Variants in BCL7B observed in about 807,000 individuals in gnomAD.
BCL7B encodes the protein B-cell CLL/lymphoma 7 protein family member B.
A neutral mutation model predicts 26.5 loss-of-function variants in BCL7B; 11 were observed. That is an observed-to-expected ratio of 0.42 (90% CI 0.26 to 0.69). The LOEUF (loss-of-function observed/expected upper bound fraction) is 0.69. Ranked by LOEUF, BCL7B falls within the 30% of genes least tolerant of loss-of-function variation. The pLI is 0.28. For missense variants in BCL7B, 215 were observed against 264.4 expected, an observed-to-expected ratio of 0.81 and a Z score of 1.30; for synonymous variants, 111 against 107.9, an observed-to-expected ratio of 1.03 and a Z score of -0.18.
At position 73,537,292 on chromosome 7, in the gene BCL7B, A is replaced by AT. The variant is rs781802427; in HGVS notation, c.*5dup. ...CAGGGCCAGGAGGCGGAGGGCCGGG[A>AT]TGGTGCTAGCTTTCTGACGCCGTCT... is the stretch of plus-strand genomic sequence containing the variant. On this transcript the variant is annotated 3_prime_UTR_variant, in exon 6 of 6. Coordinates refer to ENST00000223368, the MANE Select transcript of BCL7B (RefSeq NM_001707.4). 1.9e-6 allele frequency: 3 copies of AT among 1,613,736 alleles called. No homozygotes were observed. The highest frequency in any genetic ancestry group is 3.3e-5 in the Admixed American group (2 of 59,988).
intron 2 of BCL7B, among the ~76,000 whole-genome samples, chr7:73,549,493 A>G (rs1792076244): frequency 6.6e-6 from 1 of 152,084 alleles, no homozygotes; most frequent in Admixed American, 6.6e-5. Flanking sequence ...CTGGGCAACA[A>G]TGAGACCCCC....
rs1192652287 is a variant in BCL7B, at chr7:73,550,696, C to T, written c.168+1471G>A. On this transcript the variant is annotated intron_variant, in intron 2 of 5. Coordinates refer to ENST00000223368, the MANE Select transcript of BCL7B (RefSeq NM_001707.4). ...TTTTTGAGATGGAGTCTCACTCTGTCGCCCAGGCTGGAGTGCAGTGGTGCG... is the reference window on the plus strand; with the variant it reads ...TTTTTGAGATGGAGTCTCACTCTGTTGCCCAGGCTGGAGTGCAGTGGTGCG... Among the ~76,000 whole-genome samples the T allele has an allele frequency of 1.0e-4, 15 of 150,224 alleles. 1 individual carries two copies. The East Asian group carries it at 1.8e-3, about 18-fold the overall frequency.
chr7:73,543,789 G>A, intron 2 of BCL7B, 145 bp from the exon 3 acceptor site: 1 of 617,544 alleles, frequency 1.6e-6, no homozygotes, highest in South Asian at 1.9e-5. Context: ...AAGGACCCAA[G>A]GAAGAACAGA....
chr7:73,552,306 T>C (rs1215421432), intron 1 of BCL7B, 64 bp from the exon 2 acceptor site: 1 of 1,348,998 alleles, frequency 7.4e-7, no homozygotes, highest in South Asian at 1.2e-5. Context: ...TCATCACTTG[T>C]GTTTTTCTAC....
At chr7:73,543,838 T>C in intron 2 of BCL7B, 194 bp from the exon 3 acceptor site, 1 of 535,840 alleles carries the variant, frequency 1.9e-6, no homozygotes, top group Non-Finnish European at 3.4e-6. Context: ...CTCAGAAAAA[T>C]GAACCCTTCC....
chr7:73,553,224 G>A (rs775955308), intron 1 of BCL7B, among the ~76,000 whole-genome samples: 2 of 151,958 alleles, frequency 1.3e-5, no homozygotes, highest in Non-Finnish European at 2.9e-5. Flanking sequence ...GGGATTACAG[G>A]CATGAGCCAC....
chr7:73,539,768 G>A, intron 4 of BCL7B, 114 bp downstream of exon 4: 1 of 1,245,466 alleles, frequency 8.0e-7, no homozygotes, highest in Non-Finnish European at 1.1e-6. Flanking sequence ...AAAGGGCTTG[G>A]TGCTGCCTGG....
chr7:73,544,614 A>C (rs1057202528), intron 2 of BCL7B, among the ~76,000 whole-genome samples: 6 of 152,150 alleles, frequency 3.9e-5, no homozygotes, highest in Non-Finnish European at 8.8e-5. Flanking sequence ...CGAAAGAGCG[A>C]AACTCCATCT....
chr7:73,557,507 G>A lies in BCL7B; in HGVS notation c.72C>T (p.Ala24=). 6.9e-7 allele frequency: 1 copy of A among 1,447,540 alleles called. No homozygotes were observed. Among genetic ancestry groups the A allele is most frequent in the African/African-American group, 1.5e-5 (1 of 67,760 alleles). 89.7% of individuals were successfully genotyped at this position (1,447,540 alleles called of 1,614,324 possible). A position where few individuals can be genotyped will look rare whatever the true frequency, so the allele number is the denominator to read the frequency against. The change falls in exon 1 of 6, where the codon GCC becomes GCT. Residue 24 remains alanine, a synonymous_variant. Transcript: ENST00000223368. ...AKDDIKKVMA[A]IEKVRKWEKK... ...CTCACCATTTCCGCACTTTCTCGAT[G>A]GCCGCCATCACCTTCTTGATGTCGT... is the stretch of plus-strand genomic sequence containing the variant.
rs201748478 is a variant in BCL7B at position 73,552,275 on chromosome 7, A to G, written c.93-33T>C. On this transcript the variant is annotated intron_variant, in intron 1 of 5. Transcript: ENST00000223368. ...AAAGACACTTCTTAGAACGGATAAA[A>G]CAATGCAATGTGTTTTCTGTTCATC... 270 of 1,538,776 alleles carry G rather than the reference A, an allele frequency of 1.8e-4. No individual in the cohort carries two copies. In the African/African-American group the frequency reaches 3.1e-3, roughly 18 times the overall value.
Position 73,543,568 on chromosome 7 carries a change from G to A in BCL7B, c.245C>T (p.Ser82Phe). The change falls in exon 3 of 6, where the codon TCT (serine) becomes TTT (phenylalanine). Residue 82 changes from serine to phenylalanine, a missense_variant. Physicochemically the swap from Ser to Phe is radical, Grantham distance 155. Coordinates refer to ENST00000223368, the MANE Select transcript of BCL7B (RefSeq NM_001707.4). ...CTCACCCTGGAATTCAAGAAGGAGA[G>A]AGGAATTGGCTGAGGCATCAGAAGG... ...GFPSDASANS[S>F]LLLEFQDENS... 1.2e-6 allele frequency: 2 copies of A among 1,613,878 alleles called. No individual in the cohort carries two copies. The highest frequency in any genetic ancestry group is 1.7e-6 in the Non-Finnish European group (2 of 1,179,908).
At chr7:73,551,305 T>C (rs1260951724) in intron 2 of BCL7B, among the ~76,000 whole-genome samples, 4 of 152,108 alleles carry the variant, frequency 2.6e-5, no homozygotes, top group African/African-American at 9.7e-5. Flanking sequence ...TTTTTGTTTG[T>C]TTGCTTATTT....
At chr7:73,546,204 C>A (rs1157745366) in intron 2 of BCL7B, among the ~76,000 whole-genome samples, 1 of 151,564 alleles carries the variant, frequency 6.6e-6, no homozygotes, top group African/African-American at 2.4e-5. Context: ...ACATTACCAG[C>A]CAATGCAATT....
In BCL7B at chr7:73,557,566, A is replaced by C; in HGVS notation, c.13T>G (p.Ser5Ala). 1.5e-5 allele frequency: 20 copies of C among 1,356,666 alleles called. No homozygotes were observed. Among genetic ancestry groups the C allele is most frequent in the Non-Finnish European group, 1.9e-5 (20 of 1,041,424 alleles). 84.0% of individuals were successfully genotyped at this position (1,356,666 alleles called of 1,614,324 possible). A position where few individuals can be genotyped will look rare whatever the true frequency, so the allele number is the denominator to read the frequency against. The change falls in exon 1 of 6, where the codon TCG becomes GCG. Residue 5 changes from serine to alanine, a missense_variant. By Grantham distance (99) the Ser-to-Ala change is moderately conservative. Coordinates refer to ENST00000223368, the MANE Select transcript of BCL7B (RefSeq NM_001707.4). MSGR[S>A]VRAETRSRAK... ...CGGCTGCGGGTCTCCGCCCGGACCGACCGGCCCGACATGGCGGCGGCGGGA... is the reference window on the plus strand; with the variant it reads ...CGGCTGCGGGTCTCCGCCCGGACCGCCCGGCCCGACATGGCGGCGGCGGGA...
chr7:73,557,189 C>T (rs1485683573), intron 1 of BCL7B: 4 of 1,032,360 alleles, frequency 3.9e-6, no homozygotes, highest in Non-Finnish European at 4.6e-6. Context: ...CTGGGCCGGG[C>T]GCGGGCACCG....
intron 1 of BCL7B, chr7:73,557,094 T>C (rs1470165372): frequency 5.0e-6 from 5 of 990,716 alleles, no homozygotes; most frequent in Non-Finnish European, 6.0e-6. Flanking sequence ...CTGACACCAC[T>C]CCAGGGCTAC....
At chr7:73,543,325 C>T (rs1333940616) in intron 3 of BCL7B, among the ~76,000 whole-genome samples, 1 of 151,898 alleles carries the variant, frequency 6.6e-6, no homozygotes, top group Non-Finnish European at 1.5e-5. Context: ...TACAGGCACG[C>T]GCCACCACGC....
chr7:73,542,053 C>T (rs1791789495), intron 3 of BCL7B, among the ~76,000 whole-genome samples: 1 of 152,216 alleles, frequency 6.6e-6, no homozygotes, highest in South Asian at 2.1e-4. Context: ...GAAATGCCCA[C>T]CCTCTCTTAC....
At chr7:73,557,363 C>A (rs1450905164) in intron 1 of BCL7B, 124 bp downstream of exon 1, 58 of 1,183,736 alleles carry the variant, frequency 4.9e-5, no homozygotes, top group Non-Finnish European at 5.9e-5. Flanking sequence ...GCCCTCCTCC[C>A]GCCTTCTCCC....
Sources: allele counts gnomAD v4.1 joint callset (sites outside exome capture counted in the v4.1 genomes callset), GRCh38; gene constraint gnomAD v4.1.1; transcripts MANE v1.5; gene names NCBI Gene and HGNC (gene_info 2026-07-23, HGNC 2026-07-21).